Variants in CDH18 observed in about 807,000 individuals in gnomAD.
CDH18 encodes the protein cadherin 18, also known as cadherin-18.
Under a neutral mutation model 67.9 loss-of-function variants are expected in CDH18, and 31 were observed. That is an observed-to-expected ratio of 0.46 (90% CI 0.34 to 0.62). The LOEUF (loss-of-function observed/expected upper bound fraction) is 0.62. CDH18 is among the 20% of genes least tolerant of loss of function. The pLI is 0.01. For synonymous variants in CDH18, 362 were observed against 347.2 expected, an observed-to-expected ratio of 1.04 and a Z score of -0.48; for missense variants, 890 against 975.5, an observed-to-expected ratio of 0.91 and a Z score of 1.17.
chr5:20,304,661 G>T, intron 1 of CDH18: 2 of 1,611,782 alleles, frequency 1.2e-6, no homozygotes, highest in East Asian at 4.5e-5. Context: ...GTCGCTCCTA[G>T]TGATGATGGG....
At chr5:20,558,369 G>A (rs1485771392) in intron 1 of CDH18, among the ~76,000 whole-genome samples, 1 of 152,014 alleles carries the variant, frequency 6.6e-6, no homozygotes, top group Non-Finnish European at 1.5e-5. Context: ...GGAGTTTGAG[G>A]GGAGGAGTAT....
At chr5:20,048,291 T>C (rs1741082463) in intron 2 of CDH18, among the ~76,000 whole-genome samples, 1 of 151,714 alleles carries the variant, frequency 6.6e-6, no homozygotes, top group Non-Finnish European at 1.5e-5. Flanking sequence ...GCACTCAACG[T>C]GCTTACACTA....
intron 7 of CDH18, among the ~76,000 whole-genome samples, chr5:19,584,502 T>C (rs1207868409): frequency 2.0e-5 from 3 of 152,198 alleles, no homozygotes; most frequent in South Asian, 4.1e-4. Flanking sequence ...TCCACTCAGG[T>C]ATACAGGTTT....
chr5:20,285,414 TAATA>T, intron 1 of CDH18, among the ~76,000 whole-genome samples: 1 of 143,934 alleles, frequency 6.9e-6, no homozygotes, highest in African/African-American at 2.5e-5. Context: ...TAATATAATA[TAATA>T]TAATATAATC....
intron 2 of CDH18, among the ~76,000 whole-genome samples, chr5:20,168,822 G>A (rs1262301313): frequency 1.3e-5 from 2 of 152,086 alleles, no homozygotes; most frequent in Non-Finnish European, 2.9e-5. Flanking sequence ...TAAAAGAATG[G>A]CATCTTATCA....
At chr5:19,785,240 A>C (rs1775573236) in intron 3 of CDH18, among the ~76,000 whole-genome samples, 1 of 152,162 alleles carries the variant, frequency 6.6e-6, no homozygotes, top group African/African-American at 2.4e-5. Flanking sequence ...AATATTTGTT[A>C]AATGAATACA....
chr5:19,549,163 T>C (rs1344534328), intron 8 of CDH18, among the ~76,000 whole-genome samples: 3 of 152,126 alleles, frequency 2.0e-5, no homozygotes, highest in Admixed American at 6.6e-5. Flanking sequence ...TGAGGCCAGG[T>C]GGGAGGTGAC....
chr5:19,576,927 T>C (rs1742412105), intron 7 of CDH18, among the ~76,000 whole-genome samples: 4 of 152,228 alleles, frequency 2.6e-5, no homozygotes, highest in Admixed American at 2.6e-4. Context: ...AAAAAAAGAT[T>C]CTGTCATTTG....
At chr5:19,643,445 T>C (rs1257059508) in intron 5 of CDH18, among the ~76,000 whole-genome samples, 1 of 152,120 alleles carries the variant, frequency 6.6e-6, no homozygotes, top group Admixed American at 6.5e-5. Flanking sequence ...TATCTATTGA[T>C]AGATCAATAA....
At chr5:19,547,972 A>T (rs1453472932) in intron 8 of CDH18, among the ~76,000 whole-genome samples, 1 of 152,216 alleles carries the variant, frequency 6.6e-6, no homozygotes, top group Non-Finnish European at 1.5e-5. Context: ...TATTTTGAAG[A>T]TTAAATGTAG....
chr5:20,053,290 T>C (rs1741604258), intron 2 of CDH18, among the ~76,000 whole-genome samples: 1 of 151,232 alleles, frequency 6.6e-6, no homozygotes, highest in Admixed American at 6.6e-5. Context: ...ATATATATGA[T>C]ATATGTAGTA....
intron 1 of CDH18, among the ~76,000 whole-genome samples, chr5:20,280,690 C>A (rs927648716): frequency 1.3e-5 from 2 of 152,122 alleles, no homozygotes; most frequent in African/African-American, 4.8e-5. Context: ...GTTTTTATAG[C>A]AGCATGATTT....
intron 2 of CDH18, among the ~76,000 whole-genome samples, chr5:19,842,429 C>T (rs1235431189): frequency 6.6e-6 from 1 of 152,170 alleles, no homozygotes; most frequent in African/African-American, 2.4e-5. Flanking sequence ...GGGCTCTTCT[C>T]CCTTCACTCT....
At chr5:19,527,661 A>G (rs1357089306) in intron 9 of CDH18, among the ~76,000 whole-genome samples, 1 of 151,868 alleles carries the variant, frequency 6.6e-6, no homozygotes, top group Non-Finnish European at 1.5e-5. Context: ...AGGAAGGAGC[A>G]TAACACGTGT....
At chr5:19,958,973 C>T (rs1008065182) in intron 2 of CDH18, among the ~76,000 whole-genome samples, 1 of 152,054 alleles carries the variant, frequency 6.6e-6, no homozygotes, top group East Asian at 1.9e-4. Context: ...AAATAATTTA[C>T]TCTTATTTGA....
intron 2 of CDH18, among the ~76,000 whole-genome samples, chr5:20,152,592 G>C (rs993167369): frequency 6.6e-6 from 1 of 151,946 alleles, no homozygotes; most frequent in African/African-American, 2.4e-5. Flanking sequence ...AAGATAAGAA[G>C]TTATCTCCTC....
chr5:20,018,575 A>C (rs1219269036), intron 2 of CDH18, among the ~76,000 whole-genome samples: 1 of 151,494 alleles, frequency 6.6e-6, no homozygotes, highest in Admixed American at 6.6e-5. Flanking sequence ...TCTTAAGAAA[A>C]TGATAAAAAA....
intron 5 of CDH18, among the ~76,000 whole-genome samples, chr5:19,621,893 T>C (rs529706304): frequency 1.9e-3 from 285 of 152,342 alleles, no homozygotes; most frequent in Non-Finnish European, 2.7e-3. Context: ...ATATATTGAA[T>C]GGGACATTAT....
intron 5 of CDH18, among the ~76,000 whole-genome samples, chr5:19,656,028 C>A (rs567066236): frequency 1.4e-5 from 2 of 142,374 alleles, no homozygotes; most frequent in Non-Finnish European, 3.0e-5. Flanking sequence ...ACTTCTCTTG[C>A]CACACTAATG....
Sources: gnomAD v4.1 joint callset for allele counts (sites outside exome capture counted in the v4.1 genomes callset) on GRCh38, gnomAD v4.1.1 for gene constraint, MANE v1.5 for transcripts, NCBI Gene and HGNC (gene_info 2026-07-23, HGNC 2026-07-21) for gene names.